ITGB5: variants seen among roughly 807,000 people sequenced by gnomAD.
ITGB5 encodes the protein integrin beta-5.
In ITGB5, 38 loss-of-function variants were observed where a neutral mutation model predicts 84.8. The observed-to-expected ratio is 0.45, with a 90% CI of 0.35 to 0.59. ITGB5 has a LOEUF of 0.59. Ranked by LOEUF, ITGB5 falls within the 20% of genes least tolerant of loss-of-function variation. The pLI, the probability that ITGB5 is intolerant of heterozygous loss-of-function variation, is 0.01. For missense variants in ITGB5, 905 were observed against 1,034.5 expected (o/e 0.87, Z 1.72); for synonymous variants, 393 against 414.4 (o/e 0.95, Z 0.63).
chr3:124,833,880 C>T (rs1162462486), intron 5 of ITGB5, among the ~76,000 whole-genome samples: 3 of 152,114 alleles, frequency 2.0e-5, no homozygotes, highest in Non-Finnish European at 2.9e-5. Flanking sequence ...TCCAGGAATG[C>T]TTCAAATAAA....
At chr3:124,819,879 G>A (rs2064673407) in intron 6 of ITGB5, 45 bp from the exon 7 acceptor site, 3 of 1,368,622 alleles carry the variant, frequency 2.2e-6, no homozygotes, top group Non-Finnish European at 3.1e-6. Context: ...CCTAACAGGT[G>A]TAGATACCAG....
rs1017504306 is a variant in ITGB5, at chr3:124,808,164, C to T, written c.1263+858G>A. ...TGAGTCAGCTTATATCCGCCTTGGC[C>T]GTCATGAGTGCTATGAATGCCAAGA... is the stretch of plus-strand genomic sequence containing the variant. On this transcript the variant is annotated intron_variant, in intron 9 of 14. Coordinates refer to ENST00000296181, the MANE Select transcript of ITGB5 (RefSeq NM_002213.5). Among the ~76,000 whole-genome samples, 9 of 151,942 alleles carry T rather than the reference C, an allele frequency of 5.9e-5. No homozygotes were observed. The East Asian group carries it at 1.5e-3, about 26-fold the overall frequency.
At position 124,859,369 on chromosome 3, in the gene ITGB5, C is replaced by G; in HGVS notation, c.234G>C (p.Glu78Asp). Residue 78 changes from glutamate (E) to aspartate (D), a missense_variant, in exon 3 of 15, where the codon GAG becomes GAC. Glu to Asp is a conservative substitution (Grantham distance 45). Transcript: ENST00000296181. ...GGAAGCTGCTGGCTGGGCTCTCTATCTCACCTCCACAGCCATTTTTGACAA... is the reference window on the plus strand; with the variant it reads ...GGAAGCTGCTGGCTGGGCTCTCTATGTCACCTCCACAGCCATTTTTGACAA... ...ANLVKNGCGG[E>D]IESPASSFHV... 6.2e-7 allele frequency: 1 copy of G among 1,614,138 alleles called. No homozygotes were observed. Among genetic ancestry groups the G allele is most frequent in the Non-Finnish European group, 8.5e-7 (1 of 1,180,028 alleles).
intron 3 of ITGB5, among the ~76,000 whole-genome samples, chr3:124,851,635 ACACACACG>A (rs2065157106): frequency 6.6e-6 from 1 of 151,732 alleles, no homozygotes; most frequent in Non-Finnish European, 1.5e-5. Flanking sequence ...ACACACACAC[ACACACACG>A]CACACATCCC....
At chr3:124,765,641 C>T (rs142687488) in intron 13 of ITGB5, among the ~76,000 whole-genome samples, 1 of 152,354 alleles carries the variant, frequency 6.6e-6, no homozygotes, top group East Asian at 1.9e-4. Context: ...TTCTATAACT[C>T]CCATTGCCCT....
At chr3:124,809,605 G>C (rs1451079760) in intron 8 of ITGB5, among the ~76,000 whole-genome samples, 1 of 151,882 alleles carries the variant, frequency 6.6e-6, no homozygotes, top group Non-Finnish European at 1.5e-5. Flanking sequence ...CTCCTGGCTG[G>C]CTCCTTATCA....
intron 4 of ITGB5, among the ~76,000 whole-genome samples, chr3:124,847,017 T>C (rs1180719902): frequency 6.6e-6 from 1 of 152,224 alleles, no homozygotes; most frequent in Non-Finnish European, 1.5e-5. Context: ...TGTATAATAT[T>C]GGGTAAGTTA....
At chr3:124,876,221 T>A (rs1188482559) in intron 1 of ITGB5, among the ~76,000 whole-genome samples, 2 of 152,262 alleles carry the variant, frequency 1.3e-5, no homozygotes, top group Non-Finnish European at 2.9e-5. Flanking sequence ...TAGTAATCAC[T>A]ACAAATATAT....
intron 10 of ITGB5, among the ~76,000 whole-genome samples, chr3:124,786,192 G>A (rs1018762377): frequency 3.3e-5 from 5 of 152,120 alleles, no homozygotes; most frequent in Admixed American, 2.0e-4. Context: ...ACTAACAAAC[G>A]AGCCTGTTTG....
intron 2 of ITGB5, among the ~76,000 whole-genome samples, chr3:124,860,639 G>T (rs1036617884): frequency 5.9e-5 from 9 of 152,204 alleles, no homozygotes; most frequent in African/African-American, 1.9e-4. Context: ...TTTCCCTGGT[G>T]AATGTGAAAA....
At chr3:124,892,209 G>C (rs533818414), upstream of ITGB5, among the ~76,000 whole-genome samples, 5 of 151,868 alleles carry the variant, frequency 3.3e-5, no homozygotes, top group Admixed American at 6.6e-5. Flanking sequence ...TTTCAGTTTG[G>C]TCTCAAACTC....
intron 11 of ITGB5, among the ~76,000 whole-genome samples, chr3:124,771,147 T>TTAAG (rs950336297): frequency 2.7e-4 from 40 of 150,654 alleles, no homozygotes; most frequent in Admixed American, 2.2e-3. Context: ...TTTAAAAAAA[T>TTAAG]TAAGTTGTTT....
intron 5 of ITGB5, among the ~76,000 whole-genome samples, chr3:124,825,183 C>G (rs1047931175): frequency 7.2e-6 from 1 of 138,704 alleles, no homozygotes; most frequent in Admixed American, 7.6e-5. Flanking sequence ...GGCAACAGAG[C>G]GAGACTCCGT....
At chr3:124,766,414 A>AG in intron 12 of ITGB5, 69 bp from the exon 13 acceptor site, 1 of 1,574,314 alleles carries the variant, frequency 6.4e-7, no homozygotes, top group Non-Finnish European at 8.7e-7. Context: ...TGGTCGGGGC[A>AG]GGGAGCCGAG....
chr3:124,775,682 G>A (rs1168230541), intron 10 of ITGB5, among the ~76,000 whole-genome samples: 1 of 152,190 alleles, frequency 6.6e-6, no homozygotes, highest in African/African-American at 2.4e-5. Flanking sequence ...GAGAGGCAGG[G>A]TGGGGAGACC....
intron 3 of ITGB5, among the ~76,000 whole-genome samples, chr3:124,853,102 T>C (rs1390086947): frequency 1.3e-5 from 2 of 152,210 alleles, no homozygotes; most frequent in Non-Finnish European, 2.9e-5. Context: ...TAAGACAAAG[T>C]AGTACCTCAG....
chr3:124,766,095 T>A, intron 13 of ITGB5, 131 bp downstream of exon 13: 6 of 785,854 alleles, frequency 7.6e-6, no homozygotes, highest in Non-Finnish European at 1.2e-5. Context: ...AGAAATTGTA[T>A]CCCTCCTCTC....
intron 10 of ITGB5, among the ~76,000 whole-genome samples, chr3:124,775,783 A>G (rs993307209): frequency 6.6e-6 from 1 of 152,192 alleles, no homozygotes; most frequent in Non-Finnish European, 1.5e-5. Context: ...GTGACCCACA[A>G]TATAATATAG....
intron 11 of ITGB5, among the ~76,000 whole-genome samples, chr3:124,772,747 C>T (rs1201675795): frequency 1.3e-5 from 2 of 152,116 alleles, no homozygotes; most frequent in Admixed American, 6.5e-5. Context: ...AGGCCATGGC[C>T]GAGTCAGCGA....
Sources: allele counts gnomAD v4.1 joint callset (sites outside exome capture counted in the v4.1 genomes callset), GRCh38; gene constraint gnomAD v4.1.1; transcripts MANE v1.5; gene names NCBI Gene and HGNC (gene_info 2026-07-23, HGNC 2026-07-21).